Variants in PTPRT observed in about 807,000 individuals in gnomAD.
PTPRT encodes the protein protein tyrosine phosphatase receptor type T, also known as receptor-type tyrosine-protein phosphatase T.
PTPRT carries 56 observed loss-of-function variants against 176.8 expected under a neutral mutation model. That is an observed-to-expected ratio of 0.32 (90% CI 0.26 to 0.40). The LOEUF is 0.40. Among genes scored for constraint, PTPRT ranks in the 10% least tolerant of loss-of-function variants. The pLI is 1.00. For missense variants in PTPRT, 1,540 were observed against 1,908.2 expected (o/e 0.81, Z 3.60); for synonymous variants, 783 against 739.0 (o/e 1.06, Z -0.96).
intron 12 of PTPRT, among the ~76,000 whole-genome samples, chr20:42,309,436 A>G (rs2057594205): frequency 6.6e-6 from 1 of 152,148 alleles, no homozygotes; most frequent in Non-Finnish European, 1.5e-5. Context: ...AGGAGCCTGG[A>G]GCTTGGGAAA....
intron 6 of PTPRT, among the ~76,000 whole-genome samples, chr20:42,729,713 A>G (rs2076432353): frequency 6.6e-6 from 1 of 152,196 alleles, no homozygotes; most frequent in African/African-American, 2.4e-5. Flanking sequence ...ACTCAGATGT[A>G]CCCTTCAAGG....
intron 9 of PTPRT, among the ~76,000 whole-genome samples, chr20:42,381,995 T>C (rs2058701967): frequency 6.6e-6 from 1 of 152,176 alleles, no homozygotes; most frequent in Non-Finnish European, 1.5e-5. Context: ...TTGGGTAATA[T>C]ATCCAAGCCA....
chr20:43,163,096 A>G (rs2014744074), intron 1 of PTPRT, among the ~76,000 whole-genome samples: 1 of 152,228 alleles, frequency 6.6e-6, no homozygotes, highest in Non-Finnish European at 1.5e-5. Flanking sequence ...GATAGCTGCA[A>G]GGATGCCCTG....
chr20:42,378,428 T>G (rs1288096211), intron 9 of PTPRT, among the ~76,000 whole-genome samples: 2 of 152,214 alleles, frequency 1.3e-5, no homozygotes, highest in East Asian at 3.8e-4. Flanking sequence ...TCTCTCCTGA[T>G]GCCCTATTTT....
At chr20:42,319,924 AT>A (rs910812435) in intron 11 of PTPRT, among the ~76,000 whole-genome samples, 1 of 152,114 alleles carries the variant, frequency 6.6e-6, no homozygotes, top group Non-Finnish European at 1.5e-5. Context: ...AAGAGAAAGG[AT>A]TTTTTTAGTA....
At chr20:42,800,346 C>CTGGTTA (rs2077512540) in intron 2 of PTPRT, among the ~76,000 whole-genome samples, 1 of 152,124 alleles carries the variant, frequency 6.6e-6, no homozygotes, top group Admixed American at 6.6e-5. Flanking sequence ...GCTGGCCTTG[C>CTGGTTA]GCTGGGGAGC....
chr20:42,475,282 G>A (rs1330072355), intron 7 of PTPRT, among the ~76,000 whole-genome samples: 4 of 152,136 alleles, frequency 2.6e-5, no homozygotes, highest in African/African-American at 4.8e-5. Flanking sequence ...GACAAAGTGC[G>A]GTTTTGAACT....
intron 27 of PTPRT, among the ~76,000 whole-genome samples, chr20:42,089,069 G>A (rs1343365768): frequency 6.6e-6 from 1 of 152,126 alleles, no homozygotes; most frequent in Non-Finnish European, 1.5e-5. Context: ...CTCCACTGGG[G>A]GTTAACCAAG....
chr20:42,187,600 C>T (rs1200545058), intron 16 of PTPRT, among the ~76,000 whole-genome samples: 1 of 152,198 alleles, frequency 6.6e-6, no homozygotes, highest in Non-Finnish European at 1.5e-5. Context: ...TAGATCCACT[C>T]CCAACCATTA....
chr20:42,611,252 C>A (rs2073971150), intron 7 of PTPRT, among the ~76,000 whole-genome samples: 1 of 152,206 alleles, frequency 6.6e-6, no homozygotes, highest in Non-Finnish European at 1.5e-5. Flanking sequence ...AACTGCTTTT[C>A]AAAGAGGCTG....
chr20:42,352,538 T>C (rs2058300232), intron 9 of PTPRT, among the ~76,000 whole-genome samples: 1 of 152,048 alleles, frequency 6.6e-6, no homozygotes, highest in African/African-American at 2.4e-5. Context: ...ATAATTGAAC[T>C]TACAGAGATA....
intron 7 of PTPRT, among the ~76,000 whole-genome samples, chr20:42,644,120 C>A (rs1417075688): frequency 2.6e-5 from 4 of 152,094 alleles, no homozygotes; most frequent in Admixed American, 1.3e-4. Context: ...TCAGTAAAGT[C>A]CCAAGAATCC....
At chr20:42,280,479 C>T (rs1452334924) in intron 13 of PTPRT, among the ~76,000 whole-genome samples, 3 of 152,158 alleles carry the variant, frequency 2.0e-5, no homozygotes, top group African/African-American at 7.2e-5. Flanking sequence ...AATGCGGATG[C>T]TCTGATTTCC....
intron 11 of PTPRT, among the ~76,000 whole-genome samples, chr20:42,326,883 G>A (rs2145420009): frequency 6.6e-6 from 1 of 151,808 alleles, no homozygotes; most frequent in Non-Finnish European, 1.5e-5. Flanking sequence ...CCCTAAAGAT[G>A]TGGATGGCCA....
chr20:42,556,056 ACT>A (rs957471886), intron 7 of PTPRT, among the ~76,000 whole-genome samples: 2 of 151,910 alleles, frequency 1.3e-5, no homozygotes, highest in African/African-American at 4.8e-5. Context: ...AAGTGATGTA[ACT>A]CTCTCAAGGC....
chr20:42,208,612 C>A (rs1039093611), intron 15 of PTPRT, among the ~76,000 whole-genome samples: 1 of 151,852 alleles, frequency 6.6e-6, no homozygotes, highest in African/African-American at 2.4e-5. Flanking sequence ...AATATATATG[C>A]ACCCAATACA....
intron 9 of PTPRT, among the ~76,000 whole-genome samples, chr20:42,390,160 A>G (rs533105275): frequency 1.3e-5 from 2 of 152,288 alleles, no homozygotes; most frequent in African/African-American, 4.8e-5. Flanking sequence ...CTTGGCACAT[A>G]TTAGGTGAAA....
intron 7 of PTPRT, among the ~76,000 whole-genome samples, chr20:42,672,929 A>C (rs2075437711): frequency 6.6e-6 from 1 of 152,228 alleles, no homozygotes; most frequent in Admixed American, 6.5e-5. Context: ...GTCCTTACTA[A>C]GCCAACCTCT....
chr20:42,123,803 A>G (rs1430983046), intron 19 of PTPRT, among the ~76,000 whole-genome samples: 1 of 152,150 alleles, frequency 6.6e-6, no homozygotes, highest in Non-Finnish European at 1.5e-5. Context: ...ACGTCTGTGG[A>G]GAGTTCATCT....
Sources: gnomAD v4.1 joint callset for allele counts (sites outside exome capture counted in the v4.1 genomes callset) on GRCh38, gnomAD v4.1.1 for gene constraint, MANE v1.5 for transcripts, NCBI Gene and HGNC (gene_info 2026-07-23, HGNC 2026-07-21) for gene names.